The following NFYC variants were observed in gnomAD, a reference collection of about 807,000 sequenced individuals.
NFYC encodes the protein nuclear transcription factor Y subunit gamma.
In NFYC, 25 loss-of-function variants were observed where a neutral mutation model predicts 53.1. The ratio of observed to expected loss-of-function variants is 0.47; its 90% CI spans 0.34 to 0.66. The LOEUF is 0.66. NFYC is among the 30% of genes least tolerant of loss of function. The probability of loss-of-function intolerance (pLI) is 0.01; values close to 1 mark genes in which losing one functional copy is unlikely to be tolerated. For missense variants in NFYC, 260 were observed against 422.7 expected (o/e 0.62, Z 3.38); for synonymous variants, 145 against 152.6 (o/e 0.95, Z 0.37).
intron 1 of NFYC, among the ~76,000 whole-genome samples, chr1:40,736,471 G>A (rs1296278861): frequency 6.6e-6 from 1 of 152,114 alleles, no homozygotes; most frequent in East Asian, 1.9e-4. Flanking sequence ...ACTGGCTTTG[G>A]TGCTTTGCTT....
In NFYC at chr1:40,769,999, C is replaced by T. The variant is rs147347126; in HGVS notation, c.888+584C>T. On this transcript the variant is annotated intron_variant, in intron 9 of 9. Transcript: ENST00000447388. ...CTCTGCTGCTCAAAAGGGAGAAGAG[C>T]TGGCATCAGGACCCACCTCTGGCTT... Among the ~76,000 whole-genome samples the T allele has an allele frequency of 6.4e-3, 982 of 152,300 alleles. 9 individuals are homozygous for T. The highest frequency in any genetic ancestry group is 0.023 in the African/African-American group (949 of 41,554).
Position 40,747,559 on chromosome 1 carries a change from C to T in NFYC, c.131C>T (p.Pro44Leu), listed in dbSNP as rs1645679611. The T allele has an allele frequency of 6.2e-7, 1 of 1,613,278 alleles. No individual in the cohort carries two copies. The highest frequency in any genetic ancestry group is 8.5e-7 in the Non-Finnish European group (1 of 1,179,422). The part of the protein sequence containing the change: ...TVKDFRVQEL[P>L]LARIKKIMKL... ...AAAGACTTCCGAGTGCAGGAACTCCCACTGGCTCGTATTAAGAAGATTATG... is the reference window on the plus strand; with the variant it reads ...AAAGACTTCCGAGTGCAGGAACTCCTACTGGCTCGTATTAAGAAGATTATG... Residue 44 changes from proline to leucine, a missense_variant, in exon 3 of 10, where the codon CCA becomes CTA. Physicochemically the swap from Pro to Leu is moderately conservative, Grantham distance 98. Transcript: ENST00000447388.
intron 1 of NFYC, among the ~76,000 whole-genome samples, chr1:40,730,124 C>T (rs1367893695): frequency 6.6e-6 from 1 of 152,108 alleles, no homozygotes; most frequent in Non-Finnish European, 1.5e-5. Flanking sequence ...GATCCTCCCA[C>T]CTCAGCCTTC....
chr1:40,748,864 A>G (rs1645761692), intron 3 of NFYC, among the ~76,000 whole-genome samples: 1 of 152,238 alleles, frequency 6.6e-6, no homozygotes, highest in East Asian at 1.9e-4. Flanking sequence ...GGAAATAGAC[A>G]CAAAGAGGTT....
In NFYC at chr1:40,770,923, G is replaced by A; in HGVS notation, c.*95G>A. ...GCCTTCCTCCCCAGAGGACCCGGCC[G>A]ACCTCAGCGCCTCCTGCAGGCTAGG... On this transcript the variant is annotated 3_prime_UTR_variant, in exon 10 of 10. Transcript: ENST00000447388. The surrounding 1 kb of genome is among the most constrained non-coding windows in gnomAD (Gnocchi z 5.3). The A allele has an allele frequency of 8.7e-6, 12 of 1,371,460 alleles. No individual in the cohort carries two copies. Among genetic ancestry groups the A allele is most frequent in the South Asian group, 2.5e-5 (2 of 78,566 alleles). 85.0% of individuals were successfully genotyped at this position (1,371,460 alleles called of 1,614,324 possible).
At chr1:40,753,057 C>G in intron 4 of NFYC, 94 bp from the exon 5 acceptor site, 8 of 845,070 alleles carry the variant, frequency 9.5e-6, no homozygotes, top group South Asian at 1.5e-5. Flanking sequence ...TTTAGTTTGG[C>G]TTAAAAGTCG....
chr1:40,752,813 T>A (rs896113527), intron 4 of NFYC, among the ~76,000 whole-genome samples: 2 of 152,124 alleles, frequency 1.3e-5, no homozygotes, highest in African/African-American at 2.4e-5. Context: ...CTAACTTTGC[T>A]AACCCACAGA....
intron 1 of NFYC, among the ~76,000 whole-genome samples, chr1:40,730,099 C>T (rs1644696890): frequency 6.6e-6 from 1 of 152,030 alleles, no homozygotes; most frequent in South Asian, 2.1e-4. Flanking sequence ...GATCATAGCT[C>T]ACTGCTGCCC....
chr1:40,771,472 A>G lies in NFYC; in HGVS notation c.*644A>G. ...ATTGCCACACTCTTTTCTCCCAGGGACCCAGGAAACTAGGACTTTGTGTGT... is the reference window on the plus strand; with the variant it reads ...ATTGCCACACTCTTTTCTCCCAGGGGCCCAGGAAACTAGGACTTTGTGTGT... On this transcript the variant is annotated 3_prime_UTR_variant, in exon 10 of 10. Transcript: ENST00000447388. The G allele has an allele frequency of 2.1e-6, 1 of 470,132 alleles. No individual in the cohort carries two copies. The highest frequency in any genetic ancestry group is 4.4e-6 in the Non-Finnish European group (1 of 226,626). The allele number at this position is 470,132 out of a possible 1,614,324, so 29.1% of individuals were successfully genotyped here. A position where few individuals can be genotyped will look rare whatever the true frequency, so the allele number is the denominator to read the frequency against.
At chr1:40,759,559 A>ATG (rs145020339) in intron 6 of NFYC, among the ~76,000 whole-genome samples, 95,309 of 149,140 alleles carry the variant, frequency 0.64, 30,490 homozygotes, top group African/African-American at 0.69. Flanking sequence ...AAAAAAGTAT[A>ATG]TGTGTGTGTG....
At chr1:40,693,709 T>C (rs1480235126) in intron 1 of NFYC, among the ~76,000 whole-genome samples, 1 of 152,246 alleles carries the variant, frequency 6.6e-6, no homozygotes, top group East Asian at 1.9e-4. Context: ...CAAACCCTGG[T>C]TGCCTGATGC....
intron 6 of NFYC, among the ~76,000 whole-genome samples, chr1:40,758,731 A>G (rs1021802635): frequency 2.0e-5 from 3 of 152,096 alleles, no homozygotes; most frequent in Non-Finnish European, 4.4e-5. Flanking sequence ...TCTCTGTCCC[A>G]TATTTGTGTT....
In NFYC at chr1:40,739,238, A is replaced by G. The variant is rs547082826; in HGVS notation, c.105+290A>G. Among the ~76,000 whole-genome samples the G allele has an allele frequency of 2.0e-5, 3 of 152,254 alleles. No homozygotes were observed. The South Asian group carries it at 6.2e-4, about 32-fold the overall frequency. On this transcript the variant is annotated intron_variant, in intron 2 of 9. Transcript: ENST00000447388. ...TATCCTTTAGGACTTACAGAAAAAC[A>G]GAGATCTCATCTTCCTTCAGTAGCT...
intron 1 of NFYC, among the ~76,000 whole-genome samples, chr1:40,726,053 T>G (rs1644500491): frequency 6.6e-6 from 1 of 152,140 alleles, no homozygotes; most frequent in Admixed American, 6.5e-5. Context: ...GCTGACTGAT[T>G]CGGGTGGTAG....
chr1:40,699,078 C>T (rs1451713373), intron 1 of NFYC, among the ~76,000 whole-genome samples: 1 of 151,966 alleles, frequency 6.6e-6, no homozygotes, highest in Non-Finnish European at 1.5e-5. Flanking sequence ...GCAGGAGAAT[C>T]GCTTGAATCC....
At chr1:40,720,031 C>T (rs1029868458) in intron 1 of NFYC, among the ~76,000 whole-genome samples, 1 of 152,152 alleles carries the variant, frequency 6.6e-6, no homozygotes, top group Non-Finnish European at 1.5e-5. Flanking sequence ...AGTCACTTTG[C>T]CCTCTTTGAA....
chr1:40,722,319 T>C (rs1004403038), intron 1 of NFYC, among the ~76,000 whole-genome samples: 4 of 152,246 alleles, frequency 2.6e-5, no homozygotes, highest in African/African-American at 9.6e-5. Context: ...TTGAATTCTT[T>C]GCTTTTTTGG....
chr1:40,693,197 T>G (rs1357741640), intron 1 of NFYC, among the ~76,000 whole-genome samples: 1 of 152,240 alleles, frequency 6.6e-6, no homozygotes, highest in East Asian at 1.9e-4. Flanking sequence ...ATGCATAGCT[T>G]CTTAAGGAAC....
chr1:40,693,091 T>A, intron 1 of NFYC, among the ~76,000 whole-genome samples: 1 of 152,238 alleles, frequency 6.6e-6, no homozygotes, highest in East Asian at 1.9e-4. Context: ...GTTTATTTCC[T>A]TGTATATGTG....
Sources: allele counts gnomAD v4.1 joint callset (sites outside exome capture counted in the v4.1 genomes callset), GRCh38; gene constraint gnomAD v4.1.1; non-coding constraint Gnocchi (gnomAD v3.1); transcripts MANE v1.5; gene names NCBI Gene and HGNC (gene_info 2026-07-23, HGNC 2026-07-21).